ADGRL3: variants seen among roughly 807,000 people sequenced by gnomAD.
ADGRL3 encodes adhesion G protein-coupled receptor L3, also known as calcium-independent alpha-latrotoxin receptor 3.
ADGRL3 carries 62 observed loss-of-function variants against 153.5 expected under a neutral mutation model. The ratio of observed to expected loss-of-function variants is 0.40; its 90% CI spans 0.33 to 0.50. The LOEUF (loss-of-function observed/expected upper bound fraction) is 0.50, where lower values mean the gene tolerates loss of function less well. Among genes scored for constraint, ADGRL3 ranks in the 20% least tolerant of loss-of-function variants. The probability of loss-of-function intolerance (pLI) is 0.47; values close to 1 mark genes in which losing one functional copy is unlikely to be tolerated. For synonymous variants in ADGRL3, 710 were observed against 672.5 expected (o/e 1.06, Z -0.86); for missense variants, 1,641 against 1,859.4 (o/e 0.88, Z 2.16).
chr4:62,044,426 T>C (rs932264302), intron 24 of ADGRL3, 27 bp from the exon 25 acceptor site: 1 of 1,493,962 alleles, frequency 6.7e-7, no homozygotes, highest in Non-Finnish European at 9.2e-7. Context: ...ATGAGTTCAT[T>C]TTCTTTCTGC....
chr4:62,027,754 G>A (rs867290756), intron 21 of ADGRL3, among the ~76,000 whole-genome samples: 28 of 151,858 alleles, frequency 1.8e-4, no homozygotes, highest in African/African-American at 6.7e-4. Context: ...TGTTAGACAC[G>A]GTTCTGAGCA....
At chr4:61,581,632 T>C (rs73215854) in intron 4 of ADGRL3, among the ~76,000 whole-genome samples, 1,644 of 152,126 alleles carry the variant, frequency 0.011, 27 homozygotes, top group African/African-American at 0.037. Flanking sequence ...AGGTTATCGT[T>C]ATCTACTTCT....
At chr4:61,255,630 A>G (rs974541) in intron 1 of ADGRL3, among the ~76,000 whole-genome samples, 114,889 of 152,132 alleles carry the variant, frequency 0.76, 43,532 homozygotes, top group African/African-American at 0.77. Flanking sequence ...ATGTTACGAA[A>G]TTCCATTATT....
chr4:61,409,549 T>C (rs1372283124), intron 2 of ADGRL3, among the ~76,000 whole-genome samples: 1 of 151,122 alleles, frequency 6.6e-6, no homozygotes, highest in Non-Finnish European at 1.5e-5. Flanking sequence ...AGTTCCAAAA[T>C]GCTAGTCCAC....
chr4:61,587,587 A>G (rs2098951501), intron 5 of ADGRL3, 147 bp downstream of exon 5: 4 of 612,406 alleles, frequency 6.5e-6, no homozygotes, highest in Non-Finnish European at 1.1e-5. Context: ...TATTCCTTGT[A>G]TCACCAAAAT....
At chr4:61,965,337 A>C in intron 17 of ADGRL3, among the ~76,000 whole-genome samples, 1 of 152,124 alleles carries the variant, frequency 6.6e-6, no homozygotes, top group African/African-American at 2.4e-5. Flanking sequence ...TCTAGTAAAT[A>C]AAGTGATAAA....
chr4:62,044,496 CAG>C lies in ADGRL3; in HGVS notation c.3764_3765del (p.Glu1255ValfsTer43). ...TGGAATGACACGGTTCGAAAGCAGT[CAG>C]AGTCTTCCTTTATTACTGGAGACAT... is the stretch of plus-strand genomic sequence containing the variant. On this transcript the variant is annotated frameshift_variant, in exon 25 of 27. Coordinates refer to ENST00000683033, the MANE Select transcript of ADGRL3 (RefSeq NM_001387552.1). LOFTEE classifies it high-confidence loss of function. 1.9e-6 allele frequency: 3 copies of C among 1,598,682 alleles called. No individual in the cohort carries two copies. Among genetic ancestry groups the C allele is most frequent in the Non-Finnish European group, 2.6e-6 (3 of 1,172,172 alleles).
intron 2 of ADGRL3, among the ~76,000 whole-genome samples, chr4:61,434,311 A>G (rs1041915643): frequency 2.0e-5 from 3 of 152,100 alleles, no homozygotes; most frequent in African/African-American, 4.8e-5. Context: ...TAATTGACAC[A>G]GATATTATTG....
At chr4:61,345,763 A>C (rs984349681) in intron 1 of ADGRL3, among the ~76,000 whole-genome samples, 1 of 152,232 alleles carries the variant, frequency 6.6e-6, no homozygotes, top group Admixed American at 6.5e-5. Flanking sequence ...AAAGATATCA[A>C]AGAGAATTTC....
intron 1 of ADGRL3, among the ~76,000 whole-genome samples, chr4:61,337,634 A>C (rs908593610): frequency 1.3e-5 from 2 of 152,212 alleles, no homozygotes; most frequent in African/African-American, 4.8e-5. Context: ...GTAAAAAATC[A>C]GTATAAACTG....
intron 9 of ADGRL3, among the ~76,000 whole-genome samples, chr4:61,878,291 A>C (rs1052366881): frequency 6.6e-6 from 1 of 152,196 alleles, no homozygotes; most frequent in African/African-American, 2.4e-5. Context: ...TGAAGTACTC[A>C]AGATTAGAAC....
At chr4:61,643,282 C>T (rs1305841103) in intron 5 of ADGRL3, among the ~76,000 whole-genome samples, 2 of 151,798 alleles carry the variant, frequency 1.3e-5, no homozygotes, top group East Asian at 1.9e-4. Flanking sequence ...CCCTTTATTT[C>T]CTTCTCCTGC....
chr4:61,238,545 C>A (rs1216544666), intron 1 of ADGRL3, among the ~76,000 whole-genome samples: 1 of 151,648 alleles, frequency 6.6e-6, no homozygotes, highest in African/African-American at 2.4e-5. Context: ...AGCAGTAATA[C>A]CCACTGTATA....
intron 8 of ADGRL3, among the ~76,000 whole-genome samples, chr4:61,760,541 C>T (rs2096899118): frequency 6.6e-6 from 1 of 152,216 alleles, no homozygotes; most frequent in African/African-American, 2.4e-5. Flanking sequence ...ACCCAATTTT[C>T]CAGGTGCTGT....
intron 2 of ADGRL3, among the ~76,000 whole-genome samples, chr4:61,450,789 C>A (rs2152518321): frequency 6.6e-6 from 1 of 151,790 alleles, no homozygotes; most frequent in Middle Eastern, 3.4e-3. Context: ...CTATGAACAG[C>A]CATAATAAGA....
At chr4:61,445,414 A>T (rs1047317091) in intron 2 of ADGRL3, among the ~76,000 whole-genome samples, 1 of 152,228 alleles carries the variant, frequency 6.6e-6, no homozygotes, top group South Asian at 2.1e-4. Flanking sequence ...AAAATACATA[A>T]TTTTTAACAA....
chr4:61,394,416 C>G (rs562630634), intron 2 of ADGRL3, among the ~76,000 whole-genome samples: 14 of 151,856 alleles, frequency 9.2e-5, no homozygotes, highest in African/African-American at 3.4e-4. Context: ...TTGAACTGTT[C>G]CCAAAATGCA....
At chr4:61,548,749 G>C (rs1397941317) in intron 4 of ADGRL3, among the ~76,000 whole-genome samples, 1 of 152,002 alleles carries the variant, frequency 6.6e-6, no homozygotes, top group Non-Finnish European at 1.5e-5. Flanking sequence ...GGATTGACTT[G>C]GCTATTTGGG....
chr4:61,885,821 T>G (rs2098535431), intron 9 of ADGRL3, among the ~76,000 whole-genome samples: 1 of 152,178 alleles, frequency 6.6e-6, no homozygotes, highest in East Asian at 1.9e-4. Context: ...ATCTCTGAAA[T>G]GAAGATGAGT....
Sources: gnomAD v4.1 joint callset for allele counts (sites outside exome capture counted in the v4.1 genomes callset) on GRCh38, gnomAD v4.1.1 for gene constraint, MANE v1.5 for transcripts, NCBI Gene and HGNC (gene_info 2026-07-23, HGNC 2026-07-21) for gene names.